The following VDAC1 variants were observed in gnomAD, a reference collection of about 807,000 sequenced individuals.
VDAC1 encodes the protein non-selective voltage-gated ion channel VDAC1.
A neutral mutation model predicts 34.7 loss-of-function variants in VDAC1; 10 were observed. The observed-to-expected ratio is 0.29, with a 90% CI of 0.18 to 0.49. The LOEUF (loss-of-function observed/expected upper bound fraction) is 0.49, where lower values mean the gene tolerates loss of function less well. Ranked by LOEUF, VDAC1 falls within the 20% of genes least tolerant of loss-of-function variation. The pLI is 0.99. For synonymous variants in VDAC1, 130 were observed against 136.0 expected (o/e 0.96, Z 0.30); for missense variants, 230 against 347.9 (o/e 0.66, Z 2.69).
the VDAC1 span, among the ~76,000 whole-genome samples, chr5:134,102,132 T>C: frequency 6.6e-6 from 1 of 151,466 alleles, no homozygotes; most frequent in Non-Finnish European, 1.5e-5. Flanking sequence ...ACTCCTGCAG[T>C]TGAGAGGCAC....
At chr5:134,071,747 T>C in the VDAC1 span, among the ~76,000 whole-genome samples, 1 of 152,074 alleles carries the variant, frequency 6.6e-6, no homozygotes, top group African/African-American at 2.4e-5. This position sits in a 1 kb window ranked among gnomAD's most constrained non-coding sequence, Gnocchi z 4.1. Flanking sequence ...AGTTGGAGGG[T>C]GGCTGTGGGT....
At chr5:134,083,187 TTTC>T in the VDAC1 span, among the ~76,000 whole-genome samples, 98 of 149,616 alleles carry the variant, frequency 6.6e-4, no homozygotes, top group Admixed American at 3.5e-3. Flanking sequence ...TTTCTTTTTT[TTTC>T]TTTTTTTTTT....
the VDAC1 span, among the ~76,000 whole-genome samples, chr5:134,047,015 G>A: frequency 5.7e-3 from 872 of 152,306 alleles, 8 homozygotes; most frequent in African/African-American, 0.019. Flanking sequence ...AATTCAGGTA[G>A]AAGTGGGAGA....
chr5:134,039,667 T>C, the VDAC1 span, among the ~76,000 whole-genome samples: 1 of 152,018 alleles, frequency 6.6e-6, no homozygotes, highest in Non-Finnish European at 1.5e-5. Flanking sequence ...GTGGTTCTAC[T>C]GAGAACCCTC....
In VDAC1 at chr5:134,004,928, AG is replaced by A. The variant is rs1753711042; in HGVS notation, c.-41del. ...GCCCCGCTGCCCCGGCAGCAGACAC[AG>A]GAGCCTGCGGGCGTGTTGCGGGCGC... On this transcript the variant is annotated 5_prime_UTR_variant, in exon 1 of 9. Transcript: ENST00000265333. 6.6e-6 allele frequency: 1 copy of A among 152,238 alleles called. No individual in the cohort carries two copies. Among genetic ancestry groups the A allele is most frequent in the South Asian group, 2.1e-4 (1 of 4,842 alleles). The allele number at this position is 152,238 out of a possible 1,614,324, so 9.4% of individuals were successfully genotyped here. A position where few individuals can be genotyped will look rare whatever the true frequency, so the allele number is the denominator to read the frequency against.
upstream of VDAC1, chr5:134,004,995 G>A (rs556036300): frequency 6.6e-6 from 1 of 152,314 alleles, no homozygotes; most frequent in African/African-American, 2.4e-5. Flanking sequence ...GGAGGCGCCG[G>A]ACTGACGTGT....
At chr5:134,065,935 A>G in the VDAC1 span, among the ~76,000 whole-genome samples, 1 of 151,194 alleles carries the variant, frequency 6.6e-6, no homozygotes, top group Non-Finnish European at 1.5e-5. Flanking sequence ...CTGGGATTAC[A>G]GGCCCCCGCC....
the VDAC1 span, among the ~76,000 whole-genome samples, chr5:134,046,001 T>C: frequency 6.7e-6 from 1 of 148,290 alleles, no homozygotes; most frequent in Non-Finnish European, 1.5e-5. Flanking sequence ...CTTTTTTTTT[T>C]TTTCCATTTT....
chr5:134,055,586 A>ATTTTTTTTTT, the VDAC1 span, among the ~76,000 whole-genome samples: 1 of 60,076 alleles, frequency 1.7e-5, no homozygotes, highest in African/African-American at 1.1e-4. Context: ...CGCCCCGCTA[A>ATTTTTTTTTT]TGTTTTTTTT....
the VDAC1 span, among the ~76,000 whole-genome samples, chr5:134,072,846 T>A: frequency 6.6e-6 from 1 of 152,164 alleles, no homozygotes; most frequent in Admixed American, 6.5e-5. Flanking sequence ...ACCTCAAGAC[T>A]TTTAGAAGAC....
the VDAC1 span, among the ~76,000 whole-genome samples, chr5:134,018,123 A>C: frequency 6.6e-6 from 1 of 152,214 alleles, no homozygotes; most frequent in Non-Finnish European, 1.5e-5. Flanking sequence ...CAGGCTGCAC[A>C]AAAAAGCATG....
chr5:134,058,374 TGCAATCTCG>T, the VDAC1 span, among the ~76,000 whole-genome samples: 2 of 151,428 alleles, frequency 1.3e-5, no homozygotes, highest in African/African-American at 4.9e-5. Flanking sequence ...AGTGAAGTGG[TGCAATCTCG>T]GCTCACTGGA....
At chr5:134,010,566 C>G in the VDAC1 span, among the ~76,000 whole-genome samples, 1 of 152,116 alleles carries the variant, frequency 6.6e-6, no homozygotes, top group Admixed American at 6.5e-5. Flanking sequence ...CCATTGCACT[C>G]CAGCCTGGGG....
At chr5:134,087,693 TAAA>T in the VDAC1 span, among the ~76,000 whole-genome samples, 1 of 150,350 alleles carries the variant, frequency 6.7e-6, no homozygotes, top group Non-Finnish European at 1.5e-5. Context: ...CCGTCTCTAC[TAAA>T]AATACAAAAA....
rs1580703748 is a variant in VDAC1 at position 133,972,677 on chromosome 5, G to A, written c.*94C>T. On this transcript the variant is annotated 3_prime_UTR_variant, in exon 9 of 9. Coordinates refer to ENST00000265333, the MANE Select transcript of VDAC1 (RefSeq NM_003374.3). ...AGGGCTAACATATTTAGCAATACTTGCATCCCAGACATACAACATTAAAAG... is the reference window on the plus strand; with the variant it reads ...AGGGCTAACATATTTAGCAATACTTACATCCCAGACATACAACATTAAAAG... The A allele has an allele frequency of 1.7e-5, 17 of 999,140 alleles. No individual in the cohort carries two copies. The East Asian group carries it at 4.3e-4, about 25-fold the overall frequency. The allele number at this position is 999,140 out of a possible 1,614,324, so 61.9% of individuals were successfully genotyped here.
chr5:134,004,124 G>C (rs1270997183), intron 1 of VDAC1, among the ~76,000 whole-genome samples: 1 of 152,182 alleles, frequency 6.6e-6, no homozygotes, highest in Non-Finnish European at 1.5e-5. Context: ...AGCTTCTGCG[G>C]GCGTGGGCCG....
chr5:134,084,326 C>T, the VDAC1 span, among the ~76,000 whole-genome samples: 4 of 152,134 alleles, frequency 2.6e-5, no homozygotes, highest in Admixed American at 2.0e-4. Context: ...TAGGGGCCTC[C>T]GGGAGCAGCT....
At chr5:134,047,072 T>C in the VDAC1 span, among the ~76,000 whole-genome samples, 1 of 152,124 alleles carries the variant, frequency 6.6e-6, no homozygotes, top group Non-Finnish European at 1.5e-5. Context: ...CTATCAGGGC[T>C]GGTAACTGAG....
chr5:134,078,647 CTTTTTT>C, the VDAC1 span, among the ~76,000 whole-genome samples: 3 of 118,470 alleles, frequency 2.5e-5, no homozygotes, highest in East Asian at 2.8e-4. Context: ...CCTCAAGCAT[CTTTTTT>C]TTTTTTTTTT....
Sources: allele counts gnomAD v4.1 joint callset (sites outside exome capture counted in the v4.1 genomes callset), GRCh38; gene constraint gnomAD v4.1.1; non-coding constraint Gnocchi (gnomAD v3.1); transcripts MANE v1.5; gene names NCBI Gene and HGNC (gene_info 2026-07-23, HGNC 2026-07-21).